NOTCH3: variants seen among roughly 807,000 people sequenced by gnomAD.
The protein encoded by NOTCH3 is notch receptor 3, also known as neurogenic locus notch homolog protein 3.
In NOTCH3, 86 loss-of-function variants were observed where a neutral mutation model predicts 213.3. That is an observed-to-expected ratio of 0.40 (90% confidence interval 0.34 to 0.48). The LOEUF (loss-of-function observed/expected upper bound fraction) is 0.48. Among genes scored for constraint, NOTCH3 ranks in the 20% least tolerant of loss-of-function variants. The pLI, the probability that NOTCH3 is intolerant of heterozygous loss-of-function variation, is 0.57. For missense variants in NOTCH3, 2,783 were observed against 3,272.6 expected (o/e 0.85, Z 3.65); for synonymous variants, 1,354 against 1,355.9 (o/e 1.00, Z 0.03).
Position 15,162,529 on chromosome 19 carries a change from T to C in NOTCH3, c.5849A>G (p.Asn1950Ser). 1 of 1,614,062 alleles carries C rather than the reference T, an allele frequency of 6.2e-7. No homozygotes were observed. Among genetic ancestry groups the C allele is most frequent in the Non-Finnish European group, 8.5e-7 (1 of 1,180,012 alleles). Residue 1950 changes from asparagine to serine, a missense_variant, in exon 32 of 33, where the codon AAC (asparagine) becomes AGC (serine). Transcript: ENST00000263388. ...KSALHWAAAV[N>S]NVEATLALLK... ...CAGGGCCAAAGTGGCTTCCACGTTG[T>C]TCACAGCCGCAGCCCAGTGTAAGGC...
rs1436144240 is a variant in NOTCH3 at position 15,188,441 on chromosome 19, C to T, written c.1379-93G>A. The T allele has an allele frequency of 2.3e-5, 19 of 823,820 alleles. No individual in the cohort carries two copies. The East Asian group carries it at 4.5e-4, about 20-fold the overall frequency. 51.0% of individuals were successfully genotyped at this position (823,820 alleles called of 1,614,324 possible). On this transcript the variant is annotated intron_variant, in intron 8 of 32. Coordinates refer to ENST00000263388, the MANE Select transcript of NOTCH3 (RefSeq NM_000435.3). ...AGGTACTTCCCTTCCTACTCATCGA[C>T]AAATCCCCCGAGCCTTCGTCCCCAC...
chr19:15,176,762 TAAAAAA>T (rs61399527), intron 24 of NOTCH3, among the ~76,000 whole-genome samples: 1 of 55,624 alleles, frequency 1.8e-5, no homozygotes, highest in African/African-American at 9.1e-5. Context: ...GACCCTGTCT[TAAAAAA>T]AAAAAAAAAA....
intron 16 of NOTCH3, 63 bp from the exon 17 acceptor site, chr19:15,181,864 G>T: frequency 7.3e-7 from 1 of 1,375,790 alleles, no homozygotes; most frequent in Non-Finnish European, 1.0e-6. Context: ...GTCTGACTGG[G>T]ATATGCCTTG....
chr19:15,183,913 G>A (rs10417239), intron 16 of NOTCH3, among the ~76,000 whole-genome samples: 25,093 of 151,526 alleles, frequency 0.17, 2,222 homozygotes, highest in East Asian at 0.26. Context: ...TTAGCTGGGC[G>A]CTGTGGTGTG....
Position 15,184,612 on chromosome 19 carries a change from C to T in NOTCH3, c.2411-162G>A, listed in dbSNP as rs982982169. On this transcript the variant is annotated intron_variant, in intron 15 of 32. Transcript: ENST00000263388. ...TTTTGCATATGCAGTTTCAGAATGG[C>T]CGTCTCCCTGTCTCAGTAGGTGGCA... Among the ~76,000 whole-genome samples, 6 of 152,132 alleles carry T rather than the reference C, an allele frequency of 3.9e-5. 1 individual carries two copies. The South Asian group carries it at 6.2e-4, about 16-fold the overall frequency.
At position 15,161,239 on chromosome 19, in the gene NOTCH3, G is replaced by T; in HGVS notation, c.6389C>A (p.Ala2130Asp). The T allele has an allele frequency of 6.5e-7, 1 of 1,549,084 alleles. No individual in the cohort carries two copies. Among genetic ancestry groups the T allele is most frequent in the Non-Finnish European group, 8.7e-7 (1 of 1,152,418 alleles). Reference sequence around the variant, plus strand: ...TGCCAGAGACACTGCAGTGGCAGTGGCAGCTGCATAGGGCCCCTCAAGGGG... The same window carrying T: ...TGCCAGAGACACTGCAGTGGCAGTGTCAGCTGCATAGGGCCCCTCAAGGGG... ...GFPLEGPYAA[A>D]TATAVSLAQL... is the part of the protein sequence containing the mutation. Residue 2130 changes from alanine to aspartate, a missense_variant, in exon 33 of 33, where the codon GCC becomes GAC. By Grantham distance (126) the Ala-to-Asp change is moderately radical. Around this residue, in one of 6 missense-constraint regions of NOTCH3, gnomAD observed 441 missense variants for 432.1 expected, o/e 1.02. Coordinates refer to ENST00000263388, the MANE Select transcript of NOTCH3 (RefSeq NM_000435.3).
At position 15,160,604 on chromosome 19, in the gene NOTCH3, A is replaced by G. The variant is rs2046631622; in HGVS notation, c.*58T>C. 1 of 1,274,672 alleles carries G rather than the reference A, an allele frequency of 7.8e-7. No homozygotes were observed. Among genetic ancestry groups the G allele is most frequent in the African/African-American group, 1.5e-5 (1 of 68,272 alleles). 79.0% of individuals were successfully genotyped at this position (1,274,672 alleles called of 1,614,324 possible). A position where few individuals can be genotyped will look rare whatever the true frequency, so the allele number is the denominator to read the frequency against. On this transcript the variant is annotated 3_prime_UTR_variant, in exon 33 of 33. Coordinates refer to ENST00000263388, the MANE Select transcript of NOTCH3 (RefSeq NM_000435.3). ...AAAAGGAAGGAAGAGACAGAGAAAG[A>G]AAGGAGGCAGGACGGGGGTCTCTTT... is the stretch of plus-strand genomic sequence containing the variant.
intron 1 of NOTCH3, among the ~76,000 whole-genome samples, chr19:15,198,269 T>C (rs1476176160): frequency 6.6e-6 from 1 of 152,040 alleles, no homozygotes; most frequent in Non-Finnish European, 1.5e-5. Flanking sequence ...GGGTCCAGGG[T>C]GTGGCTGGGT....
chr19:15,175,846 G>C (rs562006178), intron 24 of NOTCH3, among the ~76,000 whole-genome samples: 2 of 151,736 alleles, frequency 1.3e-5, no homozygotes, highest in Admixed American at 6.6e-5. Context: ...GGAAACAGCA[G>C]AGAGGCCAGG....
At chr19:15,170,603 G>A (rs2046724663) in intron 26 of NOTCH3, 50 bp from the exon 27 acceptor site, 1 of 1,579,918 alleles carries the variant, frequency 6.3e-7, no homozygotes, top group South Asian at 1.1e-5. Flanking sequence ...CGGGGCTTTG[G>A]CCTCAGGCGG....
rs150338460 is a variant in NOTCH3, at chr19:15,181,619, C to T, written c.2749G>A (p.Gly917Arg). The change falls in exon 17 of 33, where the codon GGA becomes AGA. Residue 917 changes from glycine to arginine, a missense_variant. Gly to Arg is a moderately radical substitution (Grantham distance 125). Transcript: ENST00000263388. ...SFTCTCPPGY[G>R]GFHCEQDLPD... ...AGGTCCTGTTCGCAGTGGAAGCCTC[C>T]GTAGCCTGGCGGGCAGGTGCAGGTG... 1.5e-5 allele frequency: 24 copies of T among 1,550,766 alleles called. No homozygotes were observed. The African/African-American group carries it at 2.9e-4, about 19-fold the overall frequency.
At chr19:15,188,850 C>T in intron 8 of NOTCH3, 139 bp downstream of exon 8, 1 of 835,008 alleles carries the variant, frequency 1.2e-6, no homozygotes, top group Non-Finnish European at 1.9e-6. Context: ...GGTCCTGACC[C>T]CACCTCCTTC....
At chr19:15,174,594 C>T (rs2046772059) in intron 24 of NOTCH3, among the ~76,000 whole-genome samples, 194 bp from the exon 25 acceptor site, 1 of 147,106 alleles carries the variant, frequency 6.8e-6, no homozygotes, top group East Asian at 2.0e-4. Flanking sequence ...TTTTTTGAGA[C>T]GGAGTCTTGC....
Position 15,178,818 on chromosome 19 carries a change from C to A in NOTCH3, c.3837+5G>T. ...CCTCCTCCAAAGGCCGCCACCCACACCTACCTGGGCACAGTGACAGGTGAA... is the reference window on the plus strand; with the variant it reads ...CCTCCTCCAAAGGCCGCCACCCACAACTACCTGGGCACAGTGACAGGTGAA... On this transcript the variant is annotated splice_donor_5th_base_variant and intron_variant, in intron 23 of 32. Coordinates refer to ENST00000263388, the MANE Select transcript of NOTCH3 (RefSeq NM_000435.3). The A allele has an allele frequency of 6.3e-7, 1 of 1,587,654 alleles. No homozygotes were observed. The highest frequency in any genetic ancestry group is 1.8e-5 in the Admixed American group (1 of 56,118).
At chr19:15,193,969 C>A (rs2046951461) in intron 2 of NOTCH3, among the ~76,000 whole-genome samples, 1 of 151,814 alleles carries the variant, frequency 6.6e-6, no homozygotes, top group Admixed American at 6.6e-5. Flanking sequence ...GTAGTCCCCG[C>A]TACTCAGGAG....
At chr19:15,162,174 GT>G (rs1249111854) in intron 32 of NOTCH3, among the ~76,000 whole-genome samples, 1 of 151,554 alleles carries the variant, frequency 6.6e-6, no homozygotes, top group Non-Finnish European at 1.5e-5. Flanking sequence ...TAGAGACAGG[GT>G]TTTACTACGT....
intron 31 of NOTCH3, among the ~76,000 whole-genome samples, chr19:15,164,166 AT>A (rs2046666358): frequency 6.6e-6 from 1 of 152,168 alleles, no homozygotes; most frequent in African/African-American, 2.4e-5. Flanking sequence ...GAGCCATTGA[AT>A]TGTACACTTT....
Position 15,181,107 on chromosome 19 carries a change from A to C in NOTCH3, c.2848T>G (p.Cys950Gly), listed in dbSNP as rs1378535955. Residue 950 changes from cysteine (C) to glycine (G), a missense_variant, in exon 18 of 33, where the codon TGC (cysteine) becomes GGC (glycine). This residue lies in a region of NOTCH3 where 861 missense variants were observed against 909.1 expected (regional missense o/e 0.95). Transcript: ENST00000263388. ...TGGGCTCCTGTGTAGCCGGGACGGC[A>C]CAGGCAGCTGAACGAGTTCACGCCG... ...VDGVNSFSCL[C>G]RPGYTGAHCQ... 1.2e-6 allele frequency: 2 copies of C among 1,609,956 alleles called. No homozygotes were observed.
intron 2 of NOTCH3, 59 bp downstream of exon 2, chr19:15,197,441 G>GCCCCCA: frequency 2.6e-6 from 2 of 768,362 alleles, no homozygotes; most frequent in Non-Finnish European, 4.6e-6. Flanking sequence ...AAGACAAATC[G>GCCCCCA]CCCCTCCCCC....
Sources: allele counts gnomAD v4.1 joint callset (sites outside exome capture counted in the v4.1 genomes callset), GRCh38; gene constraint gnomAD v4.1.1; regional missense constraint gnomAD v4.1.1; transcripts MANE v1.5; gene names NCBI Gene and HGNC (gene_info 2026-07-23, HGNC 2026-07-21).